Variants in MITF observed in about 807,000 individuals in gnomAD.
MITF encodes the protein microphthalmia-associated transcription factor.
In MITF, 17 loss-of-function variants were observed where a neutral mutation model predicts 60.5. The ratio of observed to expected loss-of-function variants is 0.28; its 90% CI spans 0.19 to 0.42. The LOEUF (loss-of-function observed/expected upper bound fraction) is 0.42. Ranked by LOEUF, MITF falls within the 10% of genes least tolerant of loss-of-function variation. The pLI, the probability that MITF is intolerant of heterozygous loss-of-function variation, is 1.00. For missense variants in MITF, 622 were observed against 683.5 expected (o/e 0.91, Z 1.00); for synonymous variants, 260 against 248.5 (o/e 1.05, Z -0.43).
At position 69,950,448 on chromosome 3, in the gene MITF, T is replaced by TTATATA. The variant is rs10604038; in HGVS notation, c.880+1304_880+1309dup. On this transcript the variant is annotated intron_variant, in intron 6 of 9. Coordinates refer to ENST00000352241, the MANE Select transcript of MITF (RefSeq NM_001354604.2). ...CAACTGAAAGAATTCAACTTCTGAG[T>TTATATA]TATATATATATATATATATATATAT... 4.1e-3 allele frequency among the ~76,000 whole-genome samples: 542 copies of TTATATA among 130,770 alleles called. 7 individuals carry two copies. The highest frequency in any genetic ancestry group is 0.013 in the African/African-American group (446 of 34,800). 85.8% of individuals were successfully genotyped at this position (130,770 alleles called of 152,430 possible).
At chr3:69,768,816 G>A (rs2062343636) in intron 1 of MITF, among the ~76,000 whole-genome samples, 1 of 152,196 alleles carries the variant, frequency 6.6e-6, no homozygotes, top group South Asian at 2.1e-4. Flanking sequence ...TCAGCTGAAT[G>A]GGTTTGATAC....
At chr3:69,866,137 C>A in intron 1 of MITF, 2 of 1,428,046 alleles carry the variant, frequency 1.4e-6, no homozygotes, top group East Asian at 2.4e-5. Context: ...CTGTTGCAGA[C>A]AGAAACCAGG....
At chr3:69,881,294 A>C (rs1191989596) in intron 2 of MITF, among the ~76,000 whole-genome samples, 2 of 152,098 alleles carry the variant, frequency 1.3e-5, no homozygotes, top group African/African-American at 2.4e-5. Context: ...CACTCTGAAT[A>C]TAGTTCCTGT....
At chr3:69,743,225 G>A (rs184075328) in intron 1 of MITF, among the ~76,000 whole-genome samples, 3 of 152,272 alleles carry the variant, frequency 2.0e-5, no homozygotes, top group Non-Finnish European at 2.9e-5. Flanking sequence ...TCTGAACATT[G>A]TCAGACATCC....
rs750949185 is a variant in MITF, at chr3:69,967,454, T to A, written c.*2206T>A. Reference sequence around the variant, plus strand: ...GAAGATCGTGATGCTATGATGTTAGTTTTCCTTAGCTGATTTTGAGGGTTT... The same window carrying A: ...GAAGATCGTGATGCTATGATGTTAGATTTCCTTAGCTGATTTTGAGGGTTT... On this transcript the variant is annotated 3_prime_UTR_variant, in exon 10 of 10. Transcript: ENST00000352241. 1 of 233,450 alleles carries A rather than the reference T, an allele frequency of 4.3e-6. No individual in the cohort carries two copies. Among genetic ancestry groups the A allele is most frequent in the Non-Finnish European group, 8.5e-6 (1 of 117,854 alleles). 14.5% of individuals were successfully genotyped at this position (233,450 alleles called of 1,614,324 possible). A position where few individuals can be genotyped will look rare whatever the true frequency, so the allele number is the denominator to read the frequency against.
intron 1 of MITF, among the ~76,000 whole-genome samples, chr3:69,832,859 C>T (rs1297024534): frequency 6.6e-6 from 1 of 151,848 alleles, no homozygotes. Context: ...AGTTGTTTGC[C>T]TATTTATACT....
chr3:69,745,133 A>G (rs1703674896), intron 1 of MITF, among the ~76,000 whole-genome samples: 1 of 152,220 alleles, frequency 6.6e-6, no homozygotes, highest in Admixed American at 6.5e-5. Context: ...GCTAGGCACT[A>G]TTATGAATAT....
intron 1 of MITF, among the ~76,000 whole-genome samples, chr3:69,867,475 A>G (rs1290445129): frequency 3.3e-5 from 5 of 152,132 alleles, no homozygotes; most frequent in African/African-American, 1.2e-4. Flanking sequence ...AGTTTGTTTT[A>G]ACAGATACTT....
intron 1 of MITF, among the ~76,000 whole-genome samples, chr3:69,819,558 C>T (rs553140199): frequency 6.6e-6 from 1 of 152,262 alleles, no homozygotes; most frequent in Non-Finnish European, 1.5e-5. Flanking sequence ...ATATCTTCTT[C>T]TCCTGGTAAT....
rs1703764460 is a variant in MITF, at chr3:69,747,326, G to A, written c.104+7625G>A. Among the ~76,000 whole-genome samples, 16 of 152,348 alleles carry A rather than the reference G, an allele frequency of 1.1e-4. No homozygotes were observed. The South Asian group carries it at 3.1e-3, about 30-fold the overall frequency. ...ATGAAAGAAGGGGGCTTTTTATTCG[G>A]TTGTATGATCAGGAATGACCTGTTG... On this transcript the variant is annotated intron_variant, in intron 1 of 9. Transcript: ENST00000352241.
chr3:69,862,225 C>T (rs978872704), intron 1 of MITF, among the ~76,000 whole-genome samples: 1 of 152,130 alleles, frequency 6.6e-6, no homozygotes, highest in Non-Finnish European at 1.5e-5. Flanking sequence ...CTTCTTAAAT[C>T]TCCTGTATTT....
At chr3:69,958,518 A>G (rs1332321310) in intron 8 of MITF, among the ~76,000 whole-genome samples, 1 of 152,008 alleles carries the variant, frequency 6.6e-6, no homozygotes, top group African/African-American at 2.4e-5. Context: ...TGATACTTGT[A>G]GATGAGGAAA....
intron 1 of MITF, chr3:69,762,682 T>C: frequency 4.6e-6 from 1 of 218,162 alleles, no homozygotes; most frequent in Admixed American, 5.8e-5. Context: ...CATTAGTCAT[T>C]GTGAAACCAT....
intron 2 of MITF, among the ~76,000 whole-genome samples, chr3:69,900,720 T>C (rs1465021375): frequency 6.6e-6 from 1 of 152,090 alleles, no homozygotes; most frequent in Non-Finnish European, 1.5e-5. Flanking sequence ...TTTGACAAAA[T>C]TATCTGTTGA....
In MITF at chr3:69,894,788, A is replaced by C. The variant is rs552965295; in HGVS notation, c.354+15405A>C. ...TTGTTTATATTTTTTACCTTTTAGA[A>C]ACATGTCACCTTGACTGTTCTGTAG... On this transcript the variant is annotated intron_variant, in intron 2 of 9. Coordinates refer to ENST00000352241, the MANE Select transcript of MITF (RefSeq NM_001354604.2). 3.9e-5 allele frequency among the ~76,000 whole-genome samples: 6 copies of C among 152,286 alleles called. No homozygotes were observed. In the South Asian group the frequency reaches 1.2e-3, roughly 32 times the overall value.
chr3:69,962,121 T>C (rs1460800260), intron 9 of MITF, among the ~76,000 whole-genome samples: 1 of 152,360 alleles, frequency 6.6e-6, no homozygotes, highest in South Asian at 2.1e-4. Flanking sequence ...TTTGCCTCTC[T>C]TAATCCAACT....
intron 1 of MITF, among the ~76,000 whole-genome samples, chr3:69,856,727 T>C (rs181378539): frequency 1.3e-5 from 2 of 152,330 alleles, no homozygotes; most frequent in East Asian, 1.9e-4. Context: ...TTGAGAACTT[T>C]CTTCTTCTAT....
At chr3:69,948,367 A>G (rs1025141545) in intron 5 of MITF, among the ~76,000 whole-genome samples, 1 of 151,946 alleles carries the variant, frequency 6.6e-6, no homozygotes, top group African/African-American at 2.4e-5. Context: ...AAAAACTCTG[A>G]CGCTAGCTTG....
At chr3:69,907,548 G>T (rs2065127920) in intron 2 of MITF, among the ~76,000 whole-genome samples, 1 of 152,174 alleles carries the variant, frequency 6.6e-6, no homozygotes, top group South Asian at 2.1e-4. Flanking sequence ...TCATAAGCAG[G>T]AGGTAGTATT....
Sources: gnomAD v4.1 joint callset for allele counts (sites outside exome capture counted in the v4.1 genomes callset) on GRCh38, gnomAD v4.1.1 for gene constraint, MANE v1.5 for transcripts, NCBI Gene and HGNC (gene_info 2026-07-23, HGNC 2026-07-21) for gene names.